The following ANO3 variants were observed in gnomAD, a reference collection of about 807,000 sequenced individuals.
ANO3 encodes anoctamin 3.
Under a neutral mutation model 144.8 loss-of-function variants are expected in ANO3, and 99 were observed. The observed-to-expected ratio is 0.68, with a 90% CI of 0.58 to 0.81. The LOEUF (loss-of-function observed/expected upper bound fraction) is 0.81. Ranked by LOEUF, ANO3 falls within the 30% of genes least tolerant of loss-of-function variation. The pLI, the probability that ANO3 is intolerant of heterozygous loss-of-function variation, is 0.00. For synonymous variants in ANO3, 414 were observed against 392.6 expected (o/e 1.05, Z -0.64); for missense variants, 905 against 1,202.2 (o/e 0.75, Z 3.66).
At chr11:26,409,372 A>G (rs1857374935) in intron 1 of ANO3, among the ~76,000 whole-genome samples, 1 of 151,956 alleles carries the variant, frequency 6.6e-6, no homozygotes, top group Non-Finnish European at 1.5e-5. Context: ...GTTTTTGTAC[A>G]TGTAGTATTT....
At chr11:26,631,912 G>T (rs555456057) in intron 18 of ANO3, among the ~76,000 whole-genome samples, 32 of 152,236 alleles carry the variant, frequency 2.1e-4, no homozygotes, top group South Asian at 4.1e-4. Flanking sequence ...GGGCATGGTG[G>T]TTCACGCCTG....
chr11:26,467,409 AT>A (rs10709598), intron 4 of ANO3, among the ~76,000 whole-genome samples: 133,314 of 151,834 alleles, frequency 0.88, 59,077 homozygotes, highest in South Asian at 0.97. Flanking sequence ...TTTTGTGCCC[AT>A]TTAATCATCC....
chr11:26,253,075 A>G (rs12806338), intron 1 of ANO3, among the ~76,000 whole-genome samples: 40,373 of 152,060 alleles, frequency 0.27, 5,566 homozygotes, highest in South Asian at 0.3. Flanking sequence ...CTTCACAATA[A>G]TGACTGCCAT....
chr11:26,371,155 C>T (rs944568838), intron 1 of ANO3, among the ~76,000 whole-genome samples: 1 of 152,172 alleles, frequency 6.6e-6, no homozygotes, highest in Non-Finnish European at 1.5e-5. Flanking sequence ...TGTGCAGTCT[C>T]AGGACATGGT....
intron 21 of ANO3, 28 bp from the exon 22 acceptor site, chr11:26,641,868 A>G (rs765550197): frequency 6.2e-7 from 1 of 1,607,210 alleles, no homozygotes; most frequent in African/African-American, 1.3e-5. Context: ...TCAGAGCTCA[A>G]AAGTCCTTGG....
intron 8 of ANO3, among the ~76,000 whole-genome samples, chr11:26,531,552 T>TA: frequency 6.6e-6 from 1 of 152,294 alleles, no homozygotes; most frequent in East Asian, 1.9e-4. Flanking sequence ...AGTGAATAAT[T>TA]AATTGTAGAC....
chr11:26,441,106 G>GGTTT (rs1325936058), intron 1 of ANO3, among the ~76,000 whole-genome samples: 1 of 86,552 alleles, frequency 1.2e-5, no homozygotes, highest in African/African-American at 4.9e-5. Context: ...TTGCTGCCCA[G>GGTTT]TTTTTTTTTT....
upstream of ANO3, among the ~76,000 whole-genome samples, chr11:26,307,438 C>T (rs112420594): frequency 3.7e-3 from 543 of 148,380 alleles, 4 homozygotes; most frequent in African/African-American, 0.012. Context: ...CCGTGGCTCA[C>T]GCCTGTAATC....
At chr11:26,598,743 T>C in intron 15 of ANO3, 115 bp from the exon 16 acceptor site, 1 of 984,786 alleles carries the variant, frequency 1.0e-6, no homozygotes, top group East Asian at 2.6e-5. Context: ...GGTTGCTTTA[T>C]TGTGAAGACT....
At chr11:26,594,099 C>T (rs992916827) in intron 14 of ANO3, among the ~76,000 whole-genome samples, 1 of 152,134 alleles carries the variant, frequency 6.6e-6, no homozygotes, top group Non-Finnish European at 1.5e-5. Context: ...TCCAGGAAGG[C>T]AGTAGGATTT....
intron 1 of ANO3, among the ~76,000 whole-genome samples, chr11:26,196,718 C>A (rs1415172302): frequency 6.6e-6 from 1 of 151,966 alleles, no homozygotes; most frequent in Non-Finnish European, 1.5e-5. Flanking sequence ...TTCATTAAAA[C>A]AAAATAGAGC....
At chr11:26,538,776 A>G (rs1202617085) in intron 10 of ANO3, among the ~76,000 whole-genome samples, 1 of 152,222 alleles carries the variant, frequency 6.6e-6, no homozygotes, top group Non-Finnish European at 1.5e-5. Context: ...CAATAAATAC[A>G]TGAAAAGAAC....
chr11:26,253,606 A>C (rs1300780459), intron 1 of ANO3, among the ~76,000 whole-genome samples: 3 of 152,118 alleles, frequency 2.0e-5, no homozygotes, highest in Non-Finnish European at 2.9e-5. Context: ...GACAATTTGC[A>C]ATGACCGAAT....
intron 12 of ANO3, among the ~76,000 whole-genome samples, chr11:26,548,564 C>CT (rs1192811035): frequency 2.6e-5 from 4 of 151,470 alleles, no homozygotes; most frequent in African/African-American, 9.7e-5. Flanking sequence ...CCTGAATTTT[C>CT]TTTAACAAAT....
At chr11:26,234,831 A>AGTTCCAC (rs1564928023) in intron 1 of ANO3, among the ~76,000 whole-genome samples, 1 of 148,818 alleles carries the variant, frequency 6.7e-6, no homozygotes, top group Non-Finnish European at 1.5e-5. Flanking sequence ...ATGCTTATGG[A>AGTTCCAC]GTCTGCCTTC....
chr11:26,333,552 G>A (rs1394280764), intron 1 of ANO3, among the ~76,000 whole-genome samples: 2 of 152,092 alleles, frequency 1.3e-5, no homozygotes, highest in African/African-American at 2.4e-5. Context: ...AAAGTGCTGG[G>A]ATTACAGGTG....
At chr11:26,221,458 T>A (rs1852142114) in intron 1 of ANO3, among the ~76,000 whole-genome samples, 1 of 152,204 alleles carries the variant, frequency 6.6e-6, no homozygotes, top group Non-Finnish European at 1.5e-5. Flanking sequence ...TGGGATTGTC[T>A]AACACAGGCT....
At chr11:26,327,868 T>C (rs1239530254), upstream of ANO3, among the ~76,000 whole-genome samples, 3 of 152,260 alleles carry the variant, frequency 2.0e-5, no homozygotes, top group East Asian at 5.8e-4. Flanking sequence ...ATGGATTTAA[T>C]CCTATAGGCA....
At chr11:26,331,515 C>A (rs1205839014), upstream of ANO3, 1 of 152,084 alleles carries the variant, frequency 6.6e-6, no homozygotes, top group African/African-American at 2.4e-5. Flanking sequence ...TCATAGTTTA[C>A]CTACATTACA....
Sources: allele counts gnomAD v4.1 joint callset (sites outside exome capture counted in the v4.1 genomes callset), GRCh38; gene constraint gnomAD v4.1.1; transcripts MANE v1.5; gene names NCBI Gene and HGNC (gene_info 2026-07-23, HGNC 2026-07-21).